The following MGAM variants were observed in gnomAD, a reference collection of about 807,000 sequenced individuals.
MGAM encodes the protein maltase-glucoamylase.
A neutral mutation model predicts 358.8 loss-of-function variants in MGAM; 253 were observed. The ratio of observed to expected loss-of-function variants is 0.71; its 90% CI spans 0.64 to 0.78. The LOEUF is 0.78. Ranked by LOEUF, MGAM falls within the 30% of genes least tolerant of loss-of-function variation. The pLI, the probability that MGAM is intolerant of heterozygous loss-of-function variation, is 0.00. For missense variants in MGAM, 3,080 were observed against 3,432.6 expected (o/e 0.90, Z 2.57); for synonymous variants, 1,105 against 1,227.1 (o/e 0.90, Z 2.08).
Position 142,097,646 on chromosome 7 carries a change from C to T in MGAM, c.7746C>T (p.Tyr2582=), listed in dbSNP as rs376957754. Residue 2582 remains tyrosine (Y), a synonymous_variant, in exon 66 of 71, where the codon TAC becomes TAT. Coordinates refer to ENST00000475668, the MANE Select transcript of MGAM (RefSeq NM_001365693.1). ...YFPRARWYDY[Y]TGVDINARGE... ...CTAGAGCCCGCTGGTATGATTACTA[C>T]ACGGTAAGTTTTTCTGAATGTTTAT... 1.6e-5 allele frequency: 26 copies of T among 1,606,862 alleles called. No individual in the cohort carries two copies. Among genetic ancestry groups the T allele is most frequent in the East Asian group, 2.2e-5 (1 of 44,858 alleles).
At chr7:141,991,800 T>A (rs1554447382), upstream of MGAM, among the ~76,000 whole-genome samples, 1 of 152,122 alleles carries the variant, frequency 6.6e-6, no homozygotes, top group East Asian at 1.9e-4. Flanking sequence ...GGCTCCCAAG[T>A]AGACATGCTT....
chr7:141,991,315 A>G (rs1210639040), upstream of MGAM, among the ~76,000 whole-genome samples: 6 of 152,130 alleles, frequency 3.9e-5, no homozygotes, highest in African/African-American at 1.4e-4. Flanking sequence ...GTGTGGAGGA[A>G]GTGGTTATTG....
At chr7:142,050,642 G>A in intron 23 of MGAM, 55 bp from the exon 24 acceptor site, 1 of 1,531,166 alleles carries the variant, frequency 6.5e-7, no homozygotes, top group Non-Finnish European at 8.9e-7. Context: ...AGTGACTTGA[G>A]AATCTGTGTA....
In MGAM at chr7:142,094,643, G is replaced by C; in HGVS notation, c.7330G>C (p.Gly2444Arg). ...IIGMMEFSLF[G>R]ISYTGADICG... ...AGGCATGATGGAGTTCAGCCTCTTC[G>C]GCATATCCTATGTGAGTGTCCTTGG... is the stretch of plus-strand genomic sequence containing the variant. Residue 2444 changes from glycine (G) to arginine (R), a missense_variant, in exon 62 of 71, where the codon GGC becomes CGC. Physicochemically the swap from Gly to Arg is moderately radical, Grantham distance 125 (BLOSUM62 -2). This residue lies in a region of MGAM where 932 missense variants were observed against 1,198.2 expected (regional missense o/e 0.78). Coordinates refer to ENST00000475668, the MANE Select transcript of MGAM (RefSeq NM_001365693.1). The C allele has an allele frequency of 6.2e-7, 1 of 1,611,174 alleles. No individual in the cohort carries two copies. The highest frequency in any genetic ancestry group is 2.2e-5 in the East Asian group (1 of 44,782).
At position 142,021,102 on chromosome 7, in the gene MGAM, T is replaced by C; in HGVS notation, c.558+19T>C. On this transcript the variant is annotated intron_variant, in intron 5 of 70. Transcript: ENST00000475668. The stretch of plus-strand genomic sequence containing the variant: ...CTTTAAGGTTGTAATTTGTTTATTT[T>C]TTTTTAAGTTTTTTTGAGAGACTTT... 1 of 1,543,548 alleles carries C rather than the reference T, an allele frequency of 6.5e-7. No individual in the cohort carries two copies.
chr7:142,031,293 G>GGAAA (rs1807464816), intron 12 of MGAM, among the ~76,000 whole-genome samples: 1 of 152,096 alleles, frequency 6.6e-6, no homozygotes, highest in Non-Finnish European at 1.5e-5. Context: ...AAATTGGATA[G>GGAAA]GAAAGAAAGA....
chr7:141,988,656 T>C (rs782663040), intron 2 of MGAM, among the ~76,000 whole-genome samples: 3 of 152,182 alleles, frequency 2.0e-5, no homozygotes, highest in Non-Finnish European at 4.4e-5. Flanking sequence ...TGAGCCACCA[T>C]GCATGGCCAA....
rs1812199533 is a variant in MGAM, at chr7:142,061,521, TC to T, written c.4123-1044del. Among the ~76,000 whole-genome samples, 5 of 152,250 alleles carry T rather than the reference TC, an allele frequency of 3.3e-5. No individual in the cohort carries two copies. In the South Asian group the frequency reaches 1.0e-3, roughly 32 times the overall value. ...CTGATCTGTTTCTGTTTTCTTATGT[TC>T]CCTTTTCTGCCCTTTTTCTAGACAT... On this transcript the variant is annotated intron_variant, in intron 34 of 70. Coordinates refer to ENST00000475668, the MANE Select transcript of MGAM (RefSeq NM_001365693.1).
chr7:142,048,023 C>G (rs1810551146), intron 22 of MGAM, 150 bp downstream of exon 22: 1 of 663,618 alleles, frequency 1.5e-6, no homozygotes, highest in Non-Finnish European at 2.6e-6. Flanking sequence ...TTGCACCATT[C>G]AGAGGTAGTG....
Position 142,074,002 on chromosome 7 carries a change from T to G in MGAM, c.5187-83T>G. The G allele has an allele frequency of 5.9e-6, 6 of 1,010,210 alleles. 1 individual carries two copies. Among genetic ancestry groups the G allele is most frequent in the Admixed American group, 2.0e-5 (1 of 50,132 alleles). 62.6% of individuals were successfully genotyped at this position (1,010,210 alleles called of 1,614,324 possible). A position where few individuals can be genotyped will look rare whatever the true frequency, so the allele number is the denominator to read the frequency against. On this transcript the variant is annotated intron_variant, in intron 44 of 70. Transcript: ENST00000475668. ...TCTGCTGCTAGTATCTTTTCCAGTT[T>G]GAAATTTGATGGAAATATTCTCAGC... is the stretch of plus-strand genomic sequence containing the variant.
chr7:142,098,725 T>C (rs1326869050), intron 66 of MGAM, among the ~76,000 whole-genome samples: 2 of 152,178 alleles, frequency 1.3e-5, no homozygotes, highest in Non-Finnish European at 2.9e-5. Flanking sequence ...TACGTGAGAC[T>C]GGCCTTTGTC....
intron 70 of MGAM, among the ~76,000 whole-genome samples, chr7:142,105,603 A>G (rs535650173): frequency 6.6e-6 from 1 of 152,342 alleles, no homozygotes; most frequent in Admixed American, 6.5e-5. Flanking sequence ...TGAATTATTT[A>G]AAGGCCCATC....
chr7:142,054,278 C>G (rs1259467894), intron 26 of MGAM, among the ~76,000 whole-genome samples: 2 of 152,172 alleles, frequency 1.3e-5, no homozygotes, highest in Non-Finnish European at 2.9e-5. Context: ...ATTGAGCTCA[C>G]GTCCCTAGTG....
At position 142,083,916 on chromosome 7, in the gene MGAM, T is replaced by A. The variant is rs534462588; in HGVS notation, c.6381+503T>A. ...GTGGTGGTGGCTATGGTGGTGGTAG[T>A]GGTGGTGACAGTGGGGTGGTGTGAA... is the stretch of plus-strand genomic sequence containing the variant. On this transcript the variant is annotated intron_variant, in intron 53 of 70. Coordinates refer to ENST00000475668, the MANE Select transcript of MGAM (RefSeq NM_001365693.1). 2.3e-5 allele frequency among the ~76,000 whole-genome samples: 3 copies of A among 131,762 alleles called. No individual in the cohort carries two copies. In the East Asian group the frequency reaches 6.3e-4, roughly 27 times the overall value. The allele number at this position is 131,762 out of a possible 152,430, so 86.4% of individuals were successfully genotyped here.
chr7:142,031,770 G>A lies in MGAM; in HGVS notation c.1561G>A (p.Val521Ile). Residue 521 changes from valine (V) to isoleucine (I), a missense_variant, in exon 13 of 71, where the codon GTA (valine) becomes ATA (isoleucine). Val to Ile is a conservative substitution (Grantham distance 29). Transcript: ENST00000475668. ...GGAATTTGAGCTTTTTCACAATCAA[G>A]TAGAGTTTGATGGAATCTGGATTGT... ...TKEFELFHNQ[V>I]EFDGIWIDMN... 2.5e-6 allele frequency: 4 copies of A among 1,609,292 alleles called. No individual in the cohort carries two copies. Among genetic ancestry groups the A allele is most frequent in the Non-Finnish European group, 3.4e-6 (4 of 1,175,744 alleles).
intron 56 of MGAM, 23 bp downstream of exon 56, chr7:142,086,351 A>G (rs1350501682): frequency 6.8e-7 from 1 of 1,480,032 alleles, no homozygotes; most frequent in East Asian, 2.4e-5. Context: ...GCGATGATCC[A>G]GTAGTCCCTA....
chr7:142,062,861 T>C lies in MGAM; in HGVS notation c.4257+159T>C, dbSNP rs1024535157. 5.9e-5 allele frequency among the ~76,000 whole-genome samples: 9 copies of C among 152,180 alleles called. 1 individual carries two copies. The highest frequency in any genetic ancestry group is 2.2e-4 in the African/African-American group (9 of 41,440). On this transcript the variant is annotated intron_variant, in intron 35 of 70. Coordinates refer to ENST00000475668, the MANE Select transcript of MGAM (RefSeq NM_001365693.1). ...CCTCTCAGGAGAGGAACTGCCCTGGTAGCCCTCACACCTTCTACCAGACCT... is the reference window on the plus strand; with the variant it reads ...CCTCTCAGGAGAGGAACTGCCCTGGCAGCCCTCACACCTTCTACCAGACCT...
At chr7:141,991,677 C>T (rs113985873), upstream of MGAM, among the ~76,000 whole-genome samples, 176 of 152,216 alleles carry the variant, frequency 1.2e-3, no homozygotes, top group African/African-American at 4.0e-3. Context: ...CCTCATGATC[C>T]GCCTGCCTCA....
At chr7:142,085,525 C>T (rs1814667961) in intron 54 of MGAM, among the ~76,000 whole-genome samples, 1 of 146,220 alleles carries the variant, frequency 6.8e-6, no homozygotes, top group African/African-American at 2.4e-5. Flanking sequence ...ATCACAGTCA[C>T]TCCTGATAGT....
Sources: allele counts gnomAD v4.1 joint callset (sites outside exome capture counted in the v4.1 genomes callset), GRCh38; gene constraint gnomAD v4.1.1; regional missense constraint gnomAD v4.1.1; transcripts MANE v1.5; gene names NCBI Gene and HGNC (gene_info 2026-07-23, HGNC 2026-07-21).